The following EPRS1 variants were observed in gnomAD, a reference collection of about 807,000 sequenced individuals.
EPRS1 encodes the protein bifunctional glutamate/proline--tRNA ligase.
Under a neutral mutation model 188.3 loss-of-function variants are expected in EPRS1, and 107 were observed. That is an observed-to-expected ratio of 0.57 (90% CI 0.49 to 0.67). EPRS1 has a LOEUF of 0.67. Ranked by LOEUF, EPRS1 falls within the 30% of genes least tolerant of loss-of-function variation. The pLI, the probability that EPRS1 is intolerant of heterozygous loss-of-function variation, is 0.00. For missense variants in EPRS1, 1,577 were observed against 1,802.2 expected (o/e 0.88, Z 2.26); for synonymous variants, 596 against 593.1 (o/e 1.00, Z -0.07).
intron 11 of EPRS1, 77 bp from the exon 12 acceptor site, chr1:220,018,585 GT>G: frequency 2.0e-6 from 1 of 505,320 alleles, no homozygotes; most frequent in Non-Finnish European, 3.2e-6. Context: ...TGCTAAGCAT[GT>G]TTAGAAAAAA....
chr1:219,985,335 TA>T (rs1378983376), intron 20 of EPRS1, among the ~76,000 whole-genome samples: 47 of 152,286 alleles, frequency 3.1e-4, no homozygotes, highest in African/African-American at 1.1e-3. Context: ...ACAATGGCTA[TA>T]AATACACACA....
intron 5 of EPRS1, among the ~76,000 whole-genome samples, chr1:220,032,081 C>CA (rs1662094212): frequency 6.8e-6 from 1 of 146,602 alleles, no homozygotes; most frequent in Non-Finnish European, 1.5e-5. Context: ...GAAATGTCAT[C>CA]TTTTTTTTTT....
In EPRS1 at chr1:219,980,118, T is replaced by G; in HGVS notation, c.3678A>C (p.Glu1226Asp). 2 of 1,613,922 alleles carry G rather than the reference T, an allele frequency of 1.2e-6. No homozygotes were observed. The highest frequency in any genetic ancestry group is 1.7e-6 in the Non-Finnish European group (2 of 1,179,888). The change falls in exon 26 of 32, where the codon GAA becomes GAC. Residue 1226 changes from glutamate (E) to aspartate (D), a missense_variant. Transcript: ENST00000366923. ...CTCTTCCACTAGCAGATATAAATGC[T>G]TCTATTGTAGTTGTATAGTCTCCTC... ...FAGGDYTTTI[E>D]AFISASGRAI...
At chr1:220,037,226 C>G (rs1662199167) in intron 2 of EPRS1, among the ~76,000 whole-genome samples, 1 of 151,678 alleles carries the variant, frequency 6.6e-6, no homozygotes, top group Non-Finnish European at 1.5e-5. Flanking sequence ...ATAAAGAGGC[C>G]AGGCGTGGTG....
chr1:219,972,043 C>T (rs1472479231), intron 30 of EPRS1, 26 bp downstream of exon 30: 2 of 1,431,110 alleles, frequency 1.4e-6, no homozygotes, highest in Non-Finnish European at 1.9e-6. Flanking sequence ...TATTCTTATA[C>T]TGAAAAGTTT....
At chr1:219,986,783 A>ATG (rs55845197) in intron 20 of EPRS1, among the ~76,000 whole-genome samples, 5,573 of 150,122 alleles carry the variant, frequency 0.037, 294 homozygotes, top group African/African-American at 0.12. Context: ...GAAAATATGT[A>ATG]TGTGTGTGTG....
chr1:219,972,454 T>C (rs1183798994), intron 29 of EPRS1, among the ~76,000 whole-genome samples: 1 of 151,970 alleles, frequency 6.6e-6, no homozygotes, highest in Non-Finnish European at 1.5e-5. Flanking sequence ...CCTATGGGAG[T>C]CTATGTTATT....
At chr1:220,026,961 A>T (rs2102593126) in intron 6 of EPRS1, among the ~76,000 whole-genome samples, 1 of 152,234 alleles carries the variant, frequency 6.6e-6, no homozygotes, top group South Asian at 2.1e-4. Context: ...TCAAGTTTTT[A>T]AAAGTCATTA....
chr1:220,027,589 C>CCAAAA (rs1553253810), intron 6 of EPRS1, among the ~76,000 whole-genome samples: 1 of 78,562 alleles, frequency 1.3e-5, no homozygotes, highest in Admixed American at 1.8e-4. Context: ...GAGGCTATGT[C>CCAAAA]AAAAAAAAAA....
At chr1:220,022,603 C>T in intron 8 of EPRS1, 85 bp from the exon 9 acceptor site, 1 of 1,159,092 alleles carries the variant, frequency 8.6e-7, no homozygotes, top group South Asian at 1.6e-5. Context: ...TATAAATTTT[C>T]ATGTTCTTGT....
rs1183552070 is a variant in EPRS1 at position 220,010,973 on chromosome 1, C to T, written c.1578G>A (p.Glu526=). ...TTGGGTGTTTGGCTACTTCTTTCATCTCCTCCTGAGCTTCAGGTACATTCA... is the reference window on the plus strand; with the variant it reads ...TTGGGTGTTTGGCTACTTCTTTCATTTCCTCCTGAGCTTCAGGTACATTCA... ...IPVNVPEAQE[E]MKEVAKHPKN... Residue 526 remains glutamate (E), a synonymous_variant, in exon 13 of 32, where the codon GAG becomes GAA. Transcript: ENST00000366923. 12 of 1,612,276 alleles carry T rather than the reference C, an allele frequency of 7.4e-6. No homozygotes were observed. The highest frequency in any genetic ancestry group is 9.3e-6 in the Non-Finnish European group (11 of 1,178,390).
intron 12 of EPRS1, among the ~76,000 whole-genome samples, chr1:220,014,163 A>G (rs1228153852): frequency 2.0e-5 from 3 of 152,096 alleles, no homozygotes; most frequent in Admixed American, 2.0e-4. Context: ...CCCTGTCTAT[A>G]CTAAAAATAC....
In EPRS1 at chr1:220,046,477, T is replaced by C; in HGVS notation, c.-89A>G. The C allele has an allele frequency of 6.4e-7, 1 of 1,556,978 alleles. No homozygotes were observed. Among genetic ancestry groups the C allele is most frequent in the Non-Finnish European group, 8.7e-7 (1 of 1,151,628 alleles). The stretch of plus-strand genomic sequence containing the variant: ...CGCGAAAGGAAGAAGATGCAACGTG[T>C]GCGCGTACCCGACGCCGCCGCAGCC... On this transcript the variant is annotated 5_prime_UTR_variant, in exon 1 of 32. Coordinates refer to ENST00000366923, the MANE Select transcript of EPRS1 (RefSeq NM_004446.3).
In EPRS1 at chr1:220,010,926, G is replaced by T. The variant is rs766968988; in HGVS notation, c.1605+20C>A. ...TTCTTTTAACAGAGAGAAACACATT[G>T]GTGAAACTGTAAGAGTGACCTTTGG... is the stretch of plus-strand genomic sequence containing the variant. On this transcript the variant is annotated intron_variant, in intron 13 of 31. Coordinates refer to ENST00000366923, the MANE Select transcript of EPRS1 (RefSeq NM_004446.3). The T allele has an allele frequency of 3.6e-6, 5 of 1,395,212 alleles. No homozygotes were observed. In the East Asian group the frequency reaches 9.2e-5, roughly 26 times the overall value. 86.4% of individuals were successfully genotyped at this position (1,395,212 alleles called of 1,614,324 possible).
intron 17 of EPRS1, 128 bp from the exon 18 acceptor site, chr1:219,997,470 A>T: frequency 8.9e-6 from 7 of 785,838 alleles, no homozygotes; most frequent in Non-Finnish European, 1.3e-5. Flanking sequence ...TCAATCCCTT[A>T]AAAAGCTTAA....
chr1:219,970,752 T>C (rs1380932617), intron 30 of EPRS1, among the ~76,000 whole-genome samples: 1 of 141,494 alleles, frequency 7.1e-6, no homozygotes, highest in Non-Finnish European at 1.5e-5. Flanking sequence ...TACTCCAGCC[T>C]GGGCAACAAA....
At chr1:219,971,799 T>TATACACACACAC (rs1660671919) in intron 30 of EPRS1, among the ~76,000 whole-genome samples, 1 of 116,860 alleles carries the variant, frequency 8.6e-6, no homozygotes. Context: ...TATATATACA[T>TATACACACACAC]ATACACACAC....
intron 1 of EPRS1, among the ~76,000 whole-genome samples, chr1:220,043,488 T>C (rs79452222): frequency 1.3e-5 from 2 of 152,118 alleles, no homozygotes; most frequent in Admixed American, 6.5e-5. Flanking sequence ...CATAAAATCA[T>C]AAAAATCAAG....
At chr1:220,024,217 A>G (rs1187858683) in intron 8 of EPRS1, 47 bp downstream of exon 8, 1 of 1,244,376 alleles carries the variant, frequency 8.0e-7, no homozygotes, top group Non-Finnish European at 1.1e-6. Flanking sequence ...CTACTAAAGA[A>G]GCACAATATA....
Sources: allele counts gnomAD v4.1 joint callset (sites outside exome capture counted in the v4.1 genomes callset), GRCh38; gene constraint gnomAD v4.1.1; transcripts MANE v1.5; gene names NCBI Gene and HGNC (gene_info 2026-07-23, HGNC 2026-07-21).